Variants in TMEM131 observed in about 807,000 individuals in gnomAD.
The protein encoded by TMEM131 is 2610524E03Rik.
TMEM131 carries 66 observed loss-of-function variants against 211.6 expected under a neutral mutation model. That is an observed-to-expected ratio of 0.31 (90% CI 0.26 to 0.38). The LOEUF is 0.38. Among genes scored for constraint, TMEM131 ranks in the 10% least tolerant of loss-of-function variants. The probability of loss-of-function intolerance (pLI) is 1.00; values close to 1 mark genes in which losing one functional copy is unlikely to be tolerated. For missense variants in TMEM131, 2,036 were observed against 2,299.3 expected (o/e 0.89, Z 2.34); for synonymous variants, 844 against 841.3 (o/e 1.00, Z -0.06).
chr2:97,991,878 T>A (rs192609342), intron 1 of TMEM131, among the ~76,000 whole-genome samples: 51 of 152,336 alleles, frequency 3.3e-4, no homozygotes, highest in Admixed American at 2.5e-3. Context: ...AGTTTACATC[T>A]ACTCCCAAAG....
Position 97,995,591 on chromosome 2 carries a change from C to T in TMEM131, c.72G>A (p.Gly24=), listed in dbSNP as rs551709754. 2.4e-6 allele frequency: 3 copies of T among 1,270,512 alleles called. No homozygotes were observed. Among genetic ancestry groups the T allele is most frequent in the Non-Finnish European group, 3.0e-6 (3 of 1,010,906 alleles). 78.7% of individuals were successfully genotyped at this position (1,270,512 alleles called of 1,614,324 possible). The change falls in exon 1 of 41, where the codon GGG becomes GGA. Residue 24 remains glycine (G), a synonymous_variant. Coordinates refer to ENST00000186436, the MANE Select transcript of TMEM131 (RefSeq NM_015348.2). ...TAAVSTSAGA[G]LEPAAARSGG... is the part of the protein sequence containing the mutation. The stretch of plus-strand genomic sequence containing the variant: ...CGCTACGGGCGGCCGCAGGTTCCAG[C>T]CCGGCCCCGGCGGACGTGGAGACGG...
At chr2:97,806,545 A>C (rs913392024) in intron 19 of TMEM131, among the ~76,000 whole-genome samples, 1 of 152,180 alleles carries the variant, frequency 6.6e-6, no homozygotes, top group Non-Finnish European at 1.5e-5. Context: ...CATCTCAAAC[A>C]AACAAACAAA....
chr2:97,812,281 A>G (rs1681582127), intron 17 of TMEM131, 140 bp downstream of exon 17: 1 of 915,610 alleles, frequency 1.1e-6, no homozygotes, highest in Admixed American at 3.4e-5. Context: ...CATTACCTAT[A>G]AGGTCCTTTT....
chr2:97,757,907 C>T (rs917638575), intron 40 of TMEM131, among the ~76,000 whole-genome samples: 20 of 152,118 alleles, frequency 1.3e-4, no homozygotes, highest in Non-Finnish European at 2.8e-4. Context: ...CCGACGTGGG[C>T]GGATCACGAG....
intron 3 of TMEM131, among the ~76,000 whole-genome samples, chr2:97,895,578 C>A (rs1675574878): frequency 6.6e-6 from 1 of 152,146 alleles, no homozygotes; most frequent in African/African-American, 2.4e-5. Context: ...GATTCGACTC[C>A]TTCCTGATTT....
intron 31 of TMEM131, among the ~76,000 whole-genome samples, chr2:97,789,119 C>A (rs1020617703): frequency 6.6e-6 from 1 of 152,230 alleles, no homozygotes; most frequent in Non-Finnish European, 1.5e-5. Flanking sequence ...GCGCTTCACA[C>A]AAACTGTTCT....
Position 97,995,928 on chromosome 2 carries a change from A to C in TMEM131, c.-266T>G, listed in dbSNP as rs1680497791. ...CAGGCGCGGCGGGCGGCCATACTGG[A>C]AACGGGCACGGCCCGCGAGCCCTGA... On this transcript the variant is annotated 5_prime_UTR_variant, in exon 1 of 41. Coordinates refer to ENST00000186436, the MANE Select transcript of TMEM131 (RefSeq NM_015348.2). The C allele has an allele frequency of 1.0e-5, 2 of 198,010 alleles. No individual in the cohort carries two copies. The highest frequency in any genetic ancestry group is 6.0e-5 in the Admixed American group (1 of 16,680). 12.3% of individuals were successfully genotyped at this position (198,010 alleles called of 1,614,324 possible). A position where few individuals can be genotyped will look rare whatever the true frequency, so the allele number is the denominator to read the frequency against.
At chr2:97,842,766 A>G (rs1185897853) in intron 6 of TMEM131, among the ~76,000 whole-genome samples, 1 of 152,204 alleles carries the variant, frequency 6.6e-6, no homozygotes, top group Non-Finnish European at 1.5e-5. Flanking sequence ...AATAGTCCAG[A>G]TTGGCTGCCA....
chr2:97,915,344 C>T (rs192873882), intron 2 of TMEM131, among the ~76,000 whole-genome samples: 2 of 152,156 alleles, frequency 1.3e-5, no homozygotes, highest in Non-Finnish European at 2.9e-5. Context: ...TTTTGTGAGA[C>T]CAGTCTGGCT....
At chr2:97,816,948 G>T (rs1330449441) in intron 12 of TMEM131, among the ~76,000 whole-genome samples, 3 of 152,200 alleles carry the variant, frequency 2.0e-5, no homozygotes, top group Admixed American at 2.0e-4. Context: ...GAGGTATTTT[G>T]TGTGGGGATC....
chr2:97,831,626 G>A (rs989148006), intron 11 of TMEM131, among the ~76,000 whole-genome samples: 2 of 144,770 alleles, frequency 1.4e-5, no homozygotes, highest in African/African-American at 5.1e-5. Flanking sequence ...TGATTGCTAA[G>A]TGACACTGTA....
intron 6 of TMEM131, among the ~76,000 whole-genome samples, chr2:97,843,603 G>A (rs1683296922): frequency 6.6e-6 from 1 of 152,142 alleles, no homozygotes; most frequent in Admixed American, 6.6e-5. Context: ...GCCTCCCAAA[G>A]TGCTGGGATT....
At chr2:97,877,682 T>C (rs1215503675) in intron 4 of TMEM131, among the ~76,000 whole-genome samples, 1 of 152,222 alleles carries the variant, frequency 6.6e-6, no homozygotes, top group African/African-American at 2.4e-5. Context: ...GACCGCTTCC[T>C]TGTACCTTAT....
chr2:97,799,873 A>G (rs996393496), intron 25 of TMEM131, among the ~76,000 whole-genome samples: 7 of 152,216 alleles, frequency 4.6e-5, no homozygotes, highest in Non-Finnish European at 8.8e-5. Context: ...ATATATCAAG[A>G]GAGACTGAAT....
At chr2:97,969,114 C>A (rs116151831) in intron 1 of TMEM131, among the ~76,000 whole-genome samples, 1,801 of 151,258 alleles carry the variant, frequency 0.012, 37 homozygotes, top group African/African-American at 0.041. Context: ...AAGGATATGA[C>A]AACATTTATG....
At chr2:97,777,854 A>C (rs1461609146) in intron 31 of TMEM131, among the ~76,000 whole-genome samples, 1 of 152,124 alleles carries the variant, frequency 6.6e-6, no homozygotes, top group African/African-American at 2.4e-5. Flanking sequence ...AACCAAACCA[A>C]ACCAAACCAA....
Position 97,854,457 on chromosome 2 carries a change from C to G in TMEM131, c.483+4847G>C, listed in dbSNP as rs565989976. Reference sequence around the variant, plus strand: ...TCCCAAGTCCAACTCCTTTCTTCACCTCTTCCACGTACCACTCTGGTCAGA... The same window carrying G: ...TCCCAAGTCCAACTCCTTTCTTCACGTCTTCCACGTACCACTCTGGTCAGA... On this transcript the variant is annotated intron_variant, in intron 5 of 40. Coordinates refer to ENST00000186436, the MANE Select transcript of TMEM131 (RefSeq NM_015348.2). 2.0e-5 allele frequency among the ~76,000 whole-genome samples: 3 copies of G among 152,290 alleles called. No homozygotes were observed. The East Asian group carries it at 5.8e-4, about 29-fold the overall frequency.
chr2:97,785,187 G>T (rs1279869017), intron 31 of TMEM131, among the ~76,000 whole-genome samples: 14 of 152,018 alleles, frequency 9.2e-5, no homozygotes, highest in Admixed American at 9.2e-4. Flanking sequence ...CATACAAGAT[G>T]AACTCAAAAT....
Position 97,766,134 on chromosome 2 carries a change from G to C in TMEM131, c.4703C>G (p.Pro1568Arg), listed in dbSNP as rs1679150502. ...CTTACAGCTGCCAGGTTTGTGAACT[G>C]GAACGGAATCCCACTCCGGTGGAGG... is the stretch of plus-strand genomic sequence containing the variant. ...DSPPPEWDSV[P>R]VHKPGSSTDS... The change falls in exon 35 of 41, where the codon CCA (proline) becomes CGA (arginine). Residue 1568 changes from proline to arginine, a missense_variant. Pro to Arg is a moderately radical substitution (Grantham distance 103). Coordinates refer to ENST00000186436, the MANE Select transcript of TMEM131 (RefSeq NM_015348.2). 6.2e-7 allele frequency: 1 copy of C among 1,613,908 alleles called. No homozygotes were observed. Among genetic ancestry groups the C allele is most frequent in the Non-Finnish European group, 8.5e-7 (1 of 1,179,906 alleles).
Sources: allele counts gnomAD v4.1 joint callset (sites outside exome capture counted in the v4.1 genomes callset), GRCh38; gene constraint gnomAD v4.1.1; transcripts MANE v1.5; gene names NCBI Gene and HGNC (gene_info 2026-07-23, HGNC 2026-07-21).